Variants in ZNF16 observed in about 807,000 individuals in gnomAD.
The protein encoded by ZNF16 is zinc finger protein 16.
A neutral mutation model predicts 9.0 loss-of-function variants in ZNF16; 7 were observed. The observed-to-expected ratio is 0.78, with a 90% CI of 0.44 to 1.47. ZNF16 has a LOEUF of 1.47. ZNF16 is among the 40% of genes most tolerant of loss of function. The pLI, the probability that ZNF16 is intolerant of heterozygous loss-of-function variation, is 0.01. For missense variants in ZNF16, 830 were observed against 854.2 expected (o/e 0.97, Z 0.35); for synonymous variants, 312 against 301.5 (o/e 1.03, Z -0.36).
intron 2 of ZNF16, among the ~76,000 whole-genome samples, chr8:144,942,916 C>G (rs1275647397): frequency 6.6e-6 from 1 of 152,110 alleles, no homozygotes; most frequent in African/African-American, 2.4e-5. Flanking sequence ...TTATACTTAC[C>G]TATGTAGTTA....
At chr8:144,939,521 A>G (rs1042372007) in intron 2 of ZNF16, among the ~76,000 whole-genome samples, 7 of 146,164 alleles carry the variant, frequency 4.8e-5, no homozygotes, top group African/African-American at 1.8e-4. Context: ...GCTTGAACCC[A>G]GGAGGCAGAG....
chr8:144,931,148 A>G lies in ZNF16; in HGVS notation c.1639T>C (p.Cys547Arg). Reference sequence around the variant, plus strand: ...CTGAAGGTTTTTCCACATTCAGTACATTCATAGGGCTTCTCTCCAGTGTGG... The same window carrying G: ...CTGAAGGTTTTTCCACATTCAGTACGTTCATAGGGCTTCTCTCCAGTGTGG... ...RVHTGEKPYE[C>R]TECGKTFSQS... Residue 547 changes from cysteine to arginine, a missense_variant, in exon 3 of 3, where the codon TGT (cysteine) becomes CGT (arginine). Coordinates refer to ENST00000394909, the MANE Select transcript of ZNF16 (RefSeq NM_006958.3). The G allele has an allele frequency of 6.2e-7, 1 of 1,614,258 alleles. No individual in the cohort carries two copies. The highest frequency in any genetic ancestry group is 8.5e-7 in the Non-Finnish European group (1 of 1,180,058).
chr8:144,947,118 G>A (rs1478688483), intron 1 of ZNF16, among the ~76,000 whole-genome samples: 1 of 137,726 alleles, frequency 7.3e-6, no homozygotes, highest in Non-Finnish European at 1.5e-5. Flanking sequence ...TCCTGCTGTG[G>A]GGCCTGTACC....
chr8:144,935,501 C>T (rs1274784322), intron 2 of ZNF16, among the ~76,000 whole-genome samples: 6 of 152,120 alleles, frequency 3.9e-5, no homozygotes, highest in Non-Finnish European at 7.4e-5. Flanking sequence ...CCACCATGCC[C>T]GGCCAAAGAA....
At chr8:144,949,883 C>T (rs577378472) in intron 1 of ZNF16, among the ~76,000 whole-genome samples, 90 of 152,276 alleles carry the variant, frequency 5.9e-4, no homozygotes, top group Non-Finnish European at 9.6e-4. Flanking sequence ...CGTAAAGGGT[C>T]TGTGTTGAGG....
intron 2 of ZNF16, among the ~76,000 whole-genome samples, chr8:144,942,396 TC>T (rs1196542669): frequency 1.3e-5 from 2 of 152,074 alleles, no homozygotes; most frequent in African/African-American, 2.4e-5. Context: ...CAAGCAATTC[TC>T]CTGCTTCAGC....
Position 144,933,735 on chromosome 8 carries a change from A to T in ZNF16, c.197-1145T>A, listed in dbSNP as rs1447642661. On this transcript the variant is annotated intron_variant, in intron 2 of 2. Transcript: ENST00000394909. The surrounding 1 kb of genome is among the most constrained non-coding windows in gnomAD (Gnocchi z 5.6). ...CCTCTGCTCCTGCTATACTCTGAGC[A>T]GGGCAGATGTGTCCACCTTTGGGTC... 6.6e-6 allele frequency among the ~76,000 whole-genome samples: 1 copy of T among 152,146 alleles called. No individual in the cohort carries two copies. The highest frequency in any genetic ancestry group is 1.5e-5 in the Non-Finnish European group (1 of 68,030).
Position 144,931,667 on chromosome 8 carries a change from C to A in ZNF16, c.1120G>T (p.Glu374Ter). ...CACTCGCCACACTCAAAAGGCTTCT[C>A]TCCTGTGTGAGTCCTGTGGTGTTTG... ...LIKHHRTHTG[E>*]KPFECGECGK... The change falls in exon 3 of 3, where the codon GAG becomes TAG. Residue 374 changes from glutamate to a stop codon, truncating the protein, a stop_gained. Coordinates refer to ENST00000394909, the MANE Select transcript of ZNF16 (RefSeq NM_006958.3). LOFTEE classifies it low-confidence loss of function (END_TRUNC). 6.2e-7 allele frequency: 1 copy of A among 1,614,164 alleles called. No individual in the cohort carries two copies. Among genetic ancestry groups the A allele is most frequent in the Non-Finnish European group, 8.5e-7 (1 of 1,180,020 alleles).
In ZNF16 at chr8:144,931,973, T is replaced by C; in HGVS notation, c.814A>G (p.Lys272Glu). 6.2e-7 allele frequency: 1 copy of C among 1,613,830 alleles called. No homozygotes were observed. Among genetic ancestry groups the C allele is most frequent in the Non-Finnish European group, 8.5e-7 (1 of 1,179,736 alleles). ...AAGTCTGAGTGCCCTCGGAAGGCTT[T>C]CCCACATTCGCTGCACTGGTAAGCT... Reference protein sequence around the residue: ...EKAYQCSECGKAFRGHSDFSR... With the variant: ...EKAYQCSECGEAFRGHSDFSR... Residue 272 changes from lysine (K) to glutamate (E), a missense_variant, in exon 3 of 3, where the codon AAA becomes GAA. Transcript: ENST00000394909.
chr8:144,950,221 TC>T (rs1407775701), intron 1 of ZNF16, among the ~76,000 whole-genome samples: 4 of 152,208 alleles, frequency 2.6e-5, no homozygotes, highest in Non-Finnish European at 5.9e-5. Flanking sequence ...CTCCCTATTA[TC>T]ACCCTGCTCT....
intron 2 of ZNF16, among the ~76,000 whole-genome samples, chr8:144,934,168 C>T (rs1326064586): frequency 6.6e-6 from 1 of 152,242 alleles, no homozygotes; most frequent in Non-Finnish European, 1.5e-5. Context: ...CAGCTCTCAC[C>T]ATGACCCTCC....
At chr8:144,947,939 C>G (rs1834004031) in intron 1 of ZNF16, 1 of 152,320 alleles carries the variant, frequency 6.6e-6, no homozygotes, top group Non-Finnish European at 1.5e-5. Flanking sequence ...CACTGACATA[C>G]CTCAGCCCTT....
In ZNF16 at chr8:144,930,760, T is replaced by G. The variant is rs1482415752; in HGVS notation, c.2027A>C (p.Gln676Pro). The part of the protein sequence containing the change: ...FSQRSKLIKH[Q>P]LIHTRE ...AGCCTATTCCCTGGTGTGAATCAAC[T>G]GGTGTTTGATCAACTTTGATCGCTG... The change falls in exon 3 of 3, where the codon CAG (glutamine) becomes CCG (proline). Residue 676 changes from glutamine (Q) to proline (P), a missense_variant. By Grantham distance (76) the Gln-to-Pro change is moderately conservative. Transcript: ENST00000394909. The G allele has an allele frequency of 2.0e-6, 3 of 1,531,098 alleles. No individual in the cohort carries two copies. The highest frequency in any genetic ancestry group is 2.6e-6 in the Non-Finnish European group (3 of 1,141,912). The allele number at this position is 1,531,098 out of a possible 1,614,324, so 94.8% of individuals were successfully genotyped here. A position where few individuals can be genotyped will look rare whatever the true frequency, so the allele number is the denominator to read the frequency against.
chr8:144,932,352 C>T lies in ZNF16; in HGVS notation c.435G>A (p.Arg145=), dbSNP rs369866168. 16 of 1,614,038 alleles carry T rather than the reference C, an allele frequency of 9.9e-6. No homozygotes were observed. The highest frequency in any genetic ancestry group is 1.4e-5 in the Non-Finnish European group (16 of 1,180,040). Residue 145 remains arginine, a synonymous_variant, in exon 3 of 3, where the codon AGG becomes AGA. Transcript: ENST00000394909. The surrounding 1 kb of genome is among the most constrained non-coding windows in gnomAD (Gnocchi z 5.0). ...CCAGATCTTTCTCCCCTAAGGGGCC[C>T]CTAAGGAGCCCCATGGCAGCTGGTG... ...DFTPAAMGLL[R]GPLGEKDLDC...
At position 144,931,489 on chromosome 8, in the gene ZNF16, T is replaced by A. The variant is rs571257784; in HGVS notation, c.1298A>T (p.Tyr433Phe). 6.2e-7 allele frequency: 1 copy of A among 1,614,188 alleles called. No homozygotes were observed. The highest frequency in any genetic ancestry group is 8.5e-7 in the Non-Finnish European group (1 of 1,179,984). The change falls in exon 3 of 3, where the codon TAT becomes TTT. Residue 433 changes from tyrosine (Y) to phenylalanine (F), a missense_variant. Tyr to Phe is a conservative substitution (Grantham distance 22, BLOSUM62 3). Transcript: ENST00000394909. ...TGCTTTCCCACAGTCACTGCACTTA[T>A]AGGGCTTCTCTCCAGTGTGAACCCT... ...HHRVHTGEKPYKCSDCGKAFS... is the reference protein window; with the variant it reads ...HHRVHTGEKPFKCSDCGKAFS...
chr8:144,932,614 C>T lies in ZNF16; in HGVS notation c.197-24G>A, dbSNP rs1351022001. 1 of 1,596,928 alleles carries T rather than the reference C, an allele frequency of 6.3e-7. No individual in the cohort carries two copies. The highest frequency in any genetic ancestry group is 1.1e-5 in the South Asian group (1 of 87,498). ...ATCTGAAACAATAAATAGAATATCA[C>T]TTGGAAGGCAGTGCTGCAGCAGGAG... On this transcript the variant is annotated intron_variant, in intron 2 of 2. Coordinates refer to ENST00000394909, the MANE Select transcript of ZNF16 (RefSeq NM_006958.3). This position sits in a 1 kb window ranked among gnomAD's most constrained non-coding sequence, Gnocchi z 5.0.
At chr8:144,945,835 G>A (rs1833911119) in intron 2 of ZNF16, 176 bp downstream of exon 2, 2 of 1,281,258 alleles carry the variant, frequency 1.6e-6, no homozygotes, top group African/African-American at 1.5e-5. Context: ...CAAGGTGCCA[G>A]GGGCCAGGCT....
At chr8:144,949,158 C>T (rs1339226386) in intron 1 of ZNF16, among the ~76,000 whole-genome samples, 9 of 152,240 alleles carry the variant, frequency 5.9e-5, no homozygotes, top group Admixed American at 5.2e-4. Context: ...CAGCCACCAC[C>T]CTCCCATAGC....
chr8:144,940,487 T>C (rs1375761974), intron 2 of ZNF16, among the ~76,000 whole-genome samples: 2 of 152,262 alleles, frequency 1.3e-5, no homozygotes, highest in African/African-American at 4.8e-5. Flanking sequence ...TCTGATTTCA[T>C]CTTTGATCCA....
Sources: gnomAD v4.1 joint callset for allele counts (sites outside exome capture counted in the v4.1 genomes callset) on GRCh38, gnomAD v4.1.1 for gene constraint, Gnocchi (gnomAD v3.1) non-coding constraint, MANE v1.5 for transcripts, NCBI Gene and HGNC (gene_info 2026-07-23, HGNC 2026-07-21) for gene names.